ADCY1: variants seen among roughly 807,000 people sequenced by gnomAD.
ADCY1 encodes adenylate cyclase type 1.
A neutral mutation model predicts 105.4 loss-of-function variants in ADCY1; 28 were observed. That is an observed-to-expected ratio of 0.27 (90% CI 0.20 to 0.36). ADCY1 has a LOEUF of 0.36. Among genes scored for constraint, ADCY1 ranks in the 10% least tolerant of loss-of-function variants. ADCY1 has a pLI of 1.00. For missense variants in ADCY1, 977 were observed against 1,434.2 expected (o/e 0.68, Z 5.15); for synonymous variants, 655 against 623.8 (o/e 1.05, Z -0.75).
intron 1 of ADCY1, among the ~76,000 whole-genome samples, chr7:45,589,719 T>A (rs546898085): frequency 2.0e-5 from 3 of 152,006 alleles, no homozygotes; most frequent in South Asian, 4.1e-4. Context: ...GTGGGGCACT[T>A]GGCAGATGAC....
chr7:45,587,278 A>G (rs1024485070), intron 1 of ADCY1, among the ~76,000 whole-genome samples: 2 of 152,150 alleles, frequency 1.3e-5, no homozygotes, highest in Admixed American at 6.5e-5. Context: ...GCTTCCATGT[A>G]TGTGCATGGC....
chr7:45,685,438 A>C (rs1784652652), intron 12 of ADCY1, among the ~76,000 whole-genome samples: 1 of 151,070 alleles, frequency 6.6e-6, no homozygotes, highest in African/African-American at 2.4e-5. Context: ...TGGGAGTAAC[A>C]GGATGGAGTT....
chr7:45,629,807 C>T (rs995182570), intron 4 of ADCY1, among the ~76,000 whole-genome samples: 2 of 152,332 alleles, frequency 1.3e-5, no homozygotes, highest in African/African-American at 4.8e-5. Flanking sequence ...GCGTGAGCCA[C>T]CGCGCCCGGC....
Position 45,679,755 on chromosome 7 carries a change from G to A in ADCY1, c.1945G>A (p.Val649Met). The change falls in exon 11 of 20, where the codon GTG becomes ATG. Residue 649 changes from valine to methionine, a missense_variant. Physicochemically the swap from Val to Met is conservative, Grantham distance 21. This residue lies in a region of ADCY1 where 275 missense variants were observed against 362.1 expected (regional missense o/e 0.76). Transcript: ENST00000297323. ...LLLVFCICFLVACVLYLHITR... is the reference protein window; with the variant it reads ...LLLVFCICFLMACVLYLHITR... ...GCTAGTATTCTGCATCTGCTTCCTGGTGGCCTGTGTCCTGTACCTGCACAT... is the reference window on the plus strand; with the variant it reads ...GCTAGTATTCTGCATCTGCTTCCTGATGGCCTGTGTCCTGTACCTGCACAT... 1 of 1,614,190 alleles carries A rather than the reference G, an allele frequency of 6.2e-7. No homozygotes were observed. Among genetic ancestry groups the A allele is most frequent in the Non-Finnish European group, 8.5e-7 (1 of 1,180,024 alleles).
chr7:45,609,261 G>A (rs756334669), intron 2 of ADCY1, among the ~76,000 whole-genome samples: 2 of 152,210 alleles, frequency 1.3e-5, no homozygotes, highest in East Asian at 1.9e-4. Context: ...GATGGAGGCC[G>A]CTCCTGGGTC....
At chr7:45,666,336 C>G (rs971343685) in intron 8 of ADCY1, among the ~76,000 whole-genome samples, 1 of 152,156 alleles carries the variant, frequency 6.6e-6, no homozygotes, top group East Asian at 1.9e-4. Flanking sequence ...CTTCCTGTGT[C>G]CAAGTGTTCT....
intron 2 of ADCY1, among the ~76,000 whole-genome samples, chr7:45,598,038 G>A (rs900985697): frequency 6.6e-6 from 1 of 152,180 alleles, no homozygotes; most frequent in Non-Finnish European, 1.5e-5. Context: ...TGCAGGGTCT[G>A]GGCAGAGAAG....
intron 4 of ADCY1, among the ~76,000 whole-genome samples, chr7:45,629,654 G>A (rs1280187579): frequency 6.6e-6 from 1 of 152,104 alleles, no homozygotes; most frequent in African/African-American, 2.4e-5. Flanking sequence ...TAGTAGCTGG[G>A]ACTACAGGCG....
intron 8 of ADCY1, among the ~76,000 whole-genome samples, chr7:45,666,883 G>C (rs1044716239): frequency 2.6e-5 from 4 of 152,320 alleles, no homozygotes; most frequent in South Asian, 2.1e-4. Flanking sequence ...GGCCAGTGAT[G>C]ATGAGCATTT....
At chr7:45,593,253 C>A (rs1278146480) in intron 2 of ADCY1, among the ~76,000 whole-genome samples, 1 of 152,148 alleles carries the variant, frequency 6.6e-6, no homozygotes, top group Non-Finnish European at 1.5e-5. Context: ...GTGCAGGTGG[C>A]CCTGATCCAC....
At position 45,656,188 on chromosome 7, in the gene ADCY1, A is replaced by G. The variant is rs536292978; in HGVS notation, c.1149-1539A>G. Among the ~76,000 whole-genome samples, 25 of 152,174 alleles carry G rather than the reference A, an allele frequency of 1.6e-4. No homozygotes were observed. In the South Asian group the frequency reaches 4.8e-3, roughly 29 times the overall value. On this transcript the variant is annotated intron_variant, in intron 5 of 19. Transcript: ENST00000297323. Reference sequence around the variant, plus strand: ...CATGGTGGTGGGCGCCTGTAGTCCCAGCTACTCGGGAGACTGAGGCAGGAG... The same window carrying G: ...CATGGTGGTGGGCGCCTGTAGTCCCGGCTACTCGGGAGACTGAGGCAGGAG...
intron 1 of ADCY1, among the ~76,000 whole-genome samples, chr7:45,576,379 G>A (rs1262216833): frequency 6.6e-6 from 1 of 152,176 alleles, no homozygotes; most frequent in Non-Finnish European, 1.5e-5. Context: ...ACCTGGCACA[G>A]GGATAGACAC....
At chr7:45,617,323 C>T (rs894457109) in intron 3 of ADCY1, among the ~76,000 whole-genome samples, 6 of 152,292 alleles carry the variant, frequency 3.9e-5, no homozygotes, top group Non-Finnish European at 8.8e-5. Flanking sequence ...ATGTGAATTG[C>T]TATGGAGTCT....
At chr7:45,577,197 G>A (rs1197626262) in intron 1 of ADCY1, among the ~76,000 whole-genome samples, 1 of 152,170 alleles carries the variant, frequency 6.6e-6, no homozygotes, top group Non-Finnish European at 1.5e-5. Flanking sequence ...TGAGCCTCAG[G>A]TTTCTCACCT....
At chr7:45,661,400 A>AGAG (rs1467151405) in intron 7 of ADCY1, among the ~76,000 whole-genome samples, 2 of 152,026 alleles carry the variant, frequency 1.3e-5, no homozygotes, top group African/African-American at 4.8e-5. Context: ...GCATTCCTGG[A>AGAG]GAGGAGATGG....
At chr7:45,593,469 C>T (rs887499956) in intron 2 of ADCY1, among the ~76,000 whole-genome samples, 1 of 152,204 alleles carries the variant, frequency 6.6e-6, no homozygotes, top group Non-Finnish European at 1.5e-5. Context: ...AGGGAAAGAG[C>T]AGTGGCTTGG....
At chr7:45,682,271 C>T (rs1784573949) in intron 11 of ADCY1, among the ~76,000 whole-genome samples, 1 of 152,154 alleles carries the variant, frequency 6.6e-6, no homozygotes, top group Non-Finnish European at 1.5e-5. Context: ...CTAATCCTGT[C>T]CATCTTGACC....
At chr7:45,657,549 G>T (rs1457970900) in intron 5 of ADCY1, among the ~76,000 whole-genome samples, 178 bp from the exon 6 acceptor site, 1 of 152,230 alleles carries the variant, frequency 6.6e-6, no homozygotes, top group Non-Finnish European at 1.5e-5. Context: ...CAGCCCACAG[G>T]TGGGCAGGAA....
intron 5 of ADCY1, among the ~76,000 whole-genome samples, chr7:45,651,782 G>C (rs891016899): frequency 6.6e-6 from 1 of 152,198 alleles, no homozygotes. Context: ...TCGGTGGCAG[G>C]CTCAGTGCCT....
Sources: gnomAD v4.1 joint callset for allele counts (sites outside exome capture counted in the v4.1 genomes callset) on GRCh38, gnomAD v4.1.1 for gene constraint, gnomAD v4.1.1 regional missense constraint, MANE v1.5 for transcripts, NCBI Gene and HGNC (gene_info 2026-07-23, HGNC 2026-07-21) for gene names.